F2RL1: variants seen among roughly 807,000 people sequenced by gnomAD.
F2RL1 encodes F2R like trypsin receptor 1.
A neutral mutation model predicts 21.7 loss-of-function variants in F2RL1; 16 were observed. The observed-to-expected ratio is 0.74, with a 90% confidence interval of 0.50 to 1.12. The LOEUF (loss-of-function observed/expected upper bound fraction) is 1.12, where lower values mean the gene tolerates loss of function less well. F2RL1 is among the 50% of genes most tolerant of loss of function. F2RL1 has a pLI of 0.00. For missense variants in F2RL1, 432 were observed against 477.8 expected, an observed-to-expected ratio of 0.90 and a Z score of 0.89; for synonymous variants, 181 against 186.7, an observed-to-expected ratio of 0.97 and a Z score of 0.25.
chr5:76,822,253 T>G (rs1242378370), intron 1 of F2RL1, among the ~76,000 whole-genome samples: 1 of 152,106 alleles, frequency 6.6e-6, no homozygotes. Flanking sequence ...AATCTCACTC[T>G]GTTGCCCAGG....
intron 1 of F2RL1, among the ~76,000 whole-genome samples, chr5:76,828,459 TATTC>T (rs887027310): frequency 6.6e-5 from 10 of 151,722 alleles, no homozygotes; most frequent in African/African-American, 1.2e-4. Flanking sequence ...TATAATCAAA[TATTC>T]AGTCAGTATT....
intron 1 of F2RL1, among the ~76,000 whole-genome samples, chr5:76,823,404 T>G (rs1750179535): frequency 6.8e-6 from 1 of 146,200 alleles, no homozygotes. Flanking sequence ...GGAGTCTCGC[T>G]GTGTCGCCCA....
intron 1 of F2RL1, among the ~76,000 whole-genome samples, chr5:76,824,103 C>T (rs1422974549): frequency 4.0e-5 from 6 of 148,672 alleles, no homozygotes; most frequent in African/African-American, 9.9e-5. Context: ...TGAGCCACTG[C>T]GCCGACCCTG....
At chr5:76,829,567 C>A (rs1393155363) in intron 1 of F2RL1, among the ~76,000 whole-genome samples, 4 of 152,164 alleles carry the variant, frequency 2.6e-5, no homozygotes, top group African/African-American at 9.7e-5. Flanking sequence ...AATAACTGCA[C>A]CAGTTGCTCA....
At chr5:76,828,242 T>C (rs1178415369) in intron 1 of F2RL1, among the ~76,000 whole-genome samples, 1 of 152,098 alleles carries the variant, frequency 6.6e-6, no homozygotes, top group Non-Finnish European at 1.5e-5. Flanking sequence ...GTGCTGGGAT[T>C]AGAGGTGTGA....
In F2RL1 at chr5:76,833,136, A is replaced by C. The variant is rs1413186941; in HGVS notation, c.529A>C (p.Ile177Leu). 6.2e-7 allele frequency: 1 copy of C among 1,614,232 alleles called. No individual in the cohort carries two copies. The highest frequency in any genetic ancestry group is 1.7e-5 in the Admixed American group (1 of 60,022). Residue 177 changes from isoleucine (I) to leucine (L), a missense_variant, in exon 2 of 2, where the codon ATC becomes CTC. By Grantham distance (5) the Ile-to-Leu change is conservative. Coordinates refer to ENST00000296677, the MANE Select transcript of F2RL1 (RefSeq NM_005242.6). ...TCLSVQRYWVIVNPMGHSRKK... is the reference protein window; with the variant it reads ...TCLSVQRYWVLVNPMGHSRKK... ...CCTCAGTGTGCAGAGGTATTGGGTCATCGTGAACCCCATGGGGCACTCCAG... is the reference window on the plus strand; with the variant it reads ...CCTCAGTGTGCAGAGGTATTGGGTCCTCGTGAACCCCATGGGGCACTCCAG...
chr5:76,821,587 GT>G (rs67165766), intron 1 of F2RL1, among the ~76,000 whole-genome samples: 1,643 of 132,954 alleles, frequency 0.012, 40 homozygotes, highest in African/African-American at 0.043. Context: ...GGTTTTTTGG[GT>G]TTTTTTTTTT....
chr5:76,820,668 C>A (rs1394383191), intron 1 of F2RL1, among the ~76,000 whole-genome samples: 2 of 152,118 alleles, frequency 1.3e-5, no homozygotes, highest in Non-Finnish European at 2.9e-5. Flanking sequence ...ATAGCTGATT[C>A]AACATCTTTA....
At chr5:76,819,312 C>G (rs1456017213) in intron 1 of F2RL1, 48 bp downstream of exon 1, 2 of 1,498,704 alleles carry the variant, frequency 1.3e-6, no homozygotes, top group Non-Finnish European at 1.8e-6. Flanking sequence ...GAGCTGGGGT[C>G]CTGGGCACGC....
Position 76,833,299 on chromosome 5 carries a change from C to T in F2RL1, c.692C>T (p.Pro231Leu), listed in dbSNP as rs1296187693. 19 of 1,613,768 alleles carry T rather than the reference C, an allele frequency of 1.2e-5. No individual in the cohort carries two copies. Among genetic ancestry groups the T allele is most frequent in the Non-Finnish European group, 1.5e-5 (18 of 1,180,014 alleles). Residue 231 changes from proline to leucine, a missense_variant, in exon 2 of 2, where the codon CCT becomes CTT. Physicochemically the swap from Pro to Leu is moderately conservative, Grantham distance 98. Coordinates refer to ENST00000296677, the MANE Select transcript of F2RL1 (RefSeq NM_005242.6). The part of the protein sequence containing the change: ...LNITTCHDVL[P>L]EQLLVGDMFN... ...ATCACGACCTGTCATGATGTTTTGC[C>T]TGAGCAGCTCTTGGTGGGAGACATG... is the stretch of plus-strand genomic sequence containing the variant.
Position 76,835,241 on chromosome 5 carries a change from G to A in F2RL1, c.*1440G>A, listed in dbSNP as rs1244126563. On this transcript the variant is annotated 3_prime_UTR_variant, in exon 2 of 2. Coordinates refer to ENST00000296677, the MANE Select transcript of F2RL1 (RefSeq NM_005242.6). The stretch of plus-strand genomic sequence containing the variant: ...GCCAAAATGACTTTATACAACGATT[G>A]TATTTGTGACTTTTAAAAATAATTA... 1.3e-5 allele frequency: 2 copies of A among 152,262 alleles called. No individual in the cohort carries two copies. Among genetic ancestry groups the A allele is most frequent in the Non-Finnish European group, 2.9e-5 (2 of 68,032 alleles). 9.4% of individuals were successfully genotyped at this position (152,262 alleles called of 1,614,324 possible).
chr5:76,832,995 T>C lies in F2RL1; in HGVS notation c.388T>C (p.Leu130=). The change falls in exon 2 of 2, where the codon TTG becomes CTG. Residue 130 remains leucine (L), a synonymous_variant. Transcript: ENST00000296677. ...CCTCCTCTCTGTCATCTGGTTCCCC[T>C]TGAAGATTGCCTATCACATACATGG... The part of the protein sequence containing the change: ...ADLLSVIWFP[L]KIAYHIHGNN... The C allele has an allele frequency of 6.2e-7, 1 of 1,614,218 alleles. No homozygotes were observed. The highest frequency in any genetic ancestry group is 2.2e-5 in the East Asian group (1 of 44,888).
At chr5:76,824,837 T>C (rs183810205) in intron 1 of F2RL1, among the ~76,000 whole-genome samples, 3 of 152,246 alleles carry the variant, frequency 2.0e-5, no homozygotes, top group African/African-American at 7.2e-5. Flanking sequence ...AAAAATATTA[T>C]ATCAATTTAT....
rs1750399439 is a variant in F2RL1 at position 76,833,638 on chromosome 5, ATTAC to A, written c.1034_1037del (p.Tyr345LeufsTer22). 1 of 1,613,688 alleles carries A rather than the reference ATTAC, an allele frequency of 6.2e-7. No individual in the cohort carries two copies. Among genetic ancestry groups the A allele is most frequent in the African/African-American group, 1.3e-5 (1 of 74,770 alleles). On this transcript the variant is annotated frameshift_variant, in exon 2 of 2. Coordinates refer to ENST00000296677, the MANE Select transcript of F2RL1 (RefSeq NM_005242.6). LOFTEE classifies it high-confidence loss of function. ...AACAGCTGCATCGACCCCTTTGTCT[ATTAC>A]TTTGTTTCACATGATTTCAGGGATC...
rs1750400755 is a variant in F2RL1, at chr5:76,833,676, A to G, written c.1069A>G (p.Asn357Asp). Residue 357 changes from asparagine to aspartate, a missense_variant, in exon 2 of 2, where the codon AAC becomes GAC. By Grantham distance (23) the Asn-to-Asp change is conservative (BLOSUM62 1). Coordinates refer to ENST00000296677, the MANE Select transcript of F2RL1 (RefSeq NM_005242.6). ...ACATGATTTCAGGGATCATGCAAAG[A>G]ACGCTCTCCTTTGCCGAAGTGTCCG... ...VSHDFRDHAKNALLCRSVRTV... is the reference protein window; with the variant it reads ...VSHDFRDHAKDALLCRSVRTV... The G allele has an allele frequency of 2.5e-6, 4 of 1,613,982 alleles. No homozygotes were observed. Among genetic ancestry groups the G allele is most frequent in the Non-Finnish European group, 3.4e-6 (4 of 1,180,016 alleles).
At position 76,834,288 on chromosome 5, in the gene F2RL1, T is replaced by A. The variant is rs2243066; in HGVS notation, c.*487T>A. The A allele has an allele frequency of 0.15, 22,412 of 152,606 alleles. 2,096 individuals carry two copies. Among genetic ancestry groups the A allele is most frequent in the African/African-American group, 0.27 (11,029 of 41,396 alleles). The allele number at this position is 152,606 out of a possible 1,614,324, so 9.5% of individuals were successfully genotyped here. A position where few individuals can be genotyped will look rare whatever the true frequency, so the allele number is the denominator to read the frequency against. Reference sequence around the variant, plus strand: ...CAGGTTTCCAATCAACAGCAGTGAGTTGGGATTGGACAGTAGAATTTCAAT... The same window carrying A: ...CAGGTTTCCAATCAACAGCAGTGAGATGGGATTGGACAGTAGAATTTCAAT... On this transcript the variant is annotated 3_prime_UTR_variant, in exon 2 of 2. Transcript: ENST00000296677.
At position 76,819,163 on chromosome 5, in the gene F2RL1, G is replaced by A. The variant is rs767925389; in HGVS notation, c.-20G>A. 8 of 1,564,158 alleles carry A rather than the reference G, an allele frequency of 5.1e-6. No individual in the cohort carries two copies. The South Asian group carries it at 9.3e-5, about 18-fold the overall frequency. On this transcript the variant is annotated 5_prime_UTR_variant, in exon 1 of 2. Transcript: ENST00000296677. ...CGGCGGCGGATTCCCCGCGCGCCCG[G>A]CGTCGGGGCTTCCAGGAGGATGCGG...
Position 76,833,349 on chromosome 5 carries a change from A to G in F2RL1, c.742A>G (p.Ile248Val). Residue 248 changes from isoleucine to valine, a missense_variant, in exon 2 of 2, where the codon ATT (isoleucine) becomes GTT (valine). Coordinates refer to ENST00000296677, the MANE Select transcript of F2RL1 (RefSeq NM_005242.6). ...DMFNYFLSLAIGVFLFPAFLT... is the reference protein window; with the variant it reads ...DMFNYFLSLAVGVFLFPAFLT... ...GTTCAATTACTTCCTCTCTCTGGCC[A>G]TTGGGGTCTTTCTGTTCCCAGCCTT... The G allele has an allele frequency of 6.2e-7, 1 of 1,613,424 alleles. No homozygotes were observed. The highest frequency in any genetic ancestry group is 8.5e-7 in the Non-Finnish European group (1 of 1,179,908).
Position 76,819,232 on chromosome 5 carries a change from C to T in F2RL1, c.50C>T (p.Ala17Val). The change falls in exon 1 of 2, where the codon GCA becomes GTA. Residue 17 changes from alanine to valine, a missense_variant. Transcript: ENST00000296677. The stretch of plus-strand genomic sequence containing the variant: ...CTGCTGGGGGCCGCCATCCTGCTAG[C>T]AGCCTCTCTCTCCTGCAGTGGCACC... ...AWLLGAAILL[A>V]ASLSCSGTIQ... is the part of the protein sequence containing the mutation. 6.3e-7 allele frequency: 1 copy of T among 1,592,606 alleles called. No homozygotes were observed. Among genetic ancestry groups the T allele is most frequent in the Non-Finnish European group, 8.5e-7 (1 of 1,177,920 alleles).
Sources: allele counts gnomAD v4.1 joint callset (sites outside exome capture counted in the v4.1 genomes callset), GRCh38; gene constraint gnomAD v4.1.1; transcripts MANE v1.5; gene names NCBI Gene and HGNC (gene_info 2026-07-23, HGNC 2026-07-21).